Variants in ZFPM2 observed in about 807,000 individuals in gnomAD.
ZFPM2 encodes the protein zinc finger protein, FOG family member 2.
A neutral mutation model predicts 98.6 loss-of-function variants in ZFPM2; 20 were observed. That is an observed-to-expected ratio of 0.20 (90% confidence interval 0.14 to 0.29). The LOEUF is 0.29. ZFPM2 is among the 10% of genes least tolerant of loss of function. The pLI is 1.00. For synonymous variants in ZFPM2, 518 were observed against 502.7 expected (o/e 1.03, Z -0.41); for missense variants, 1,310 against 1,388.6 (o/e 0.94, Z 0.90).
chr8:105,561,555 T>A, intron 4 of ZFPM2, 74 bp downstream of exon 4: 1 of 1,172,434 alleles, frequency 8.5e-7, no homozygotes. Flanking sequence ...AGAAATTCTC[T>A]CTGCTTGCTT....
At chr8:105,491,359 G>T (rs1378068244) in intron 3 of ZFPM2, among the ~76,000 whole-genome samples, 1 of 152,108 alleles carries the variant, frequency 6.6e-6, no homozygotes, top group African/African-American at 2.4e-5. Flanking sequence ...GATTGTGCCA[G>T]TGTTGTGGTA....
At chr8:105,606,638 A>G (rs1816202893) in intron 4 of ZFPM2, among the ~76,000 whole-genome samples, 1 of 152,098 alleles carries the variant, frequency 6.6e-6, no homozygotes, top group African/African-American at 2.4e-5. Context: ...CATTATTGTC[A>G]TTATGTTAAT....
intron 3 of ZFPM2, among the ~76,000 whole-genome samples, chr8:105,519,992 C>T (rs768376758): frequency 6.6e-6 from 1 of 151,900 alleles, no homozygotes; most frequent in Non-Finnish European, 1.5e-5. Flanking sequence ...TTCTCCTTTT[C>T]TAACTAAAAA....
At chr8:105,633,419 A>G (rs1816788698) in intron 4 of ZFPM2, among the ~76,000 whole-genome samples, 1 of 152,178 alleles carries the variant, frequency 6.6e-6, no homozygotes, top group South Asian at 2.1e-4. Flanking sequence ...GCTGAGACAT[A>G]CTTATTTCCT....
intron 5 of ZFPM2, among the ~76,000 whole-genome samples, chr8:105,774,375 A>T (rs17313272): frequency 0.06 from 9,134 of 152,264 alleles, 401 homozygotes; most frequent in Middle Eastern, 0.13. Flanking sequence ...ACCTATTGTT[A>T]TCCCCAGAAT....
chr8:105,700,871 G>A (rs1173594505), intron 5 of ZFPM2, among the ~76,000 whole-genome samples: 3 of 152,266 alleles, frequency 2.0e-5, no homozygotes, highest in Admixed American at 6.5e-5. Flanking sequence ...GATTACAGGC[G>A]TGAGCCACTG....
At chr8:105,460,151 A>G (rs1425810324) in intron 3 of ZFPM2, among the ~76,000 whole-genome samples, 3 of 152,208 alleles carry the variant, frequency 2.0e-5, no homozygotes, top group African/African-American at 4.8e-5. Context: ...CTGTTTGGGT[A>G]TCACTTCAGT....
chr8:105,318,992 G>A lies in ZFPM2; in HGVS notation c.40+11G>A, dbSNP rs550883122. On this transcript the variant is annotated intron_variant, in intron 1 of 7. Coordinates refer to ENST00000407775, the MANE Select transcript of ZFPM2 (RefSeq NM_012082.4). ...CCCGGCAGATCAAACGTAAGTTTGCGCGCGGGGCCGGGAGTTGGTGGGATT... is the reference window on the plus strand; with the variant it reads ...CCCGGCAGATCAAACGTAAGTTTGCACGCGGGGCCGGGAGTTGGTGGGATT... 12 of 1,492,332 alleles carry A rather than the reference G, an allele frequency of 8.0e-6. No individual in the cohort carries two copies. Among genetic ancestry groups the A allele is most frequent in the Non-Finnish European group, 9.9e-6 (11 of 1,113,274 alleles). The allele number at this position is 1,492,332 out of a possible 1,614,324, so 92.4% of individuals were successfully genotyped here.
Position 105,602,496 on chromosome 8 carries a change from T to G in ZFPM2, c.421-31750T>G, listed in dbSNP as rs183399065. 5.9e-5 allele frequency among the ~76,000 whole-genome samples: 9 copies of G among 152,252 alleles called. No individual in the cohort carries two copies. In the East Asian group the frequency reaches 1.7e-3, roughly 29 times the overall value. ...CCTGACCTTCTCTAGAAGAAAGGAT[T>G]GCATTATCTTCAACCTGGCCTAAGT... is the stretch of plus-strand genomic sequence containing the variant. On this transcript the variant is annotated intron_variant, in intron 4 of 7. Transcript: ENST00000407775.
Position 105,330,553 on chromosome 8 carries a change from C to T in ZFPM2, c.40+11572C>T, listed in dbSNP as rs7818803. Among the ~76,000 whole-genome samples the T allele has an allele frequency of 1.9e-3, 176 of 92,416 alleles. 2 individuals carry two copies. The highest frequency in any genetic ancestry group is 2.5e-3 in the Non-Finnish European group (112 of 45,596). The allele number at this position is 92,416 out of a possible 152,430, so 60.6% of individuals were successfully genotyped here. ...CTCTCTCTCTCTATATATATATATA[C>T]ATATATATATATATACATATATATA... On this transcript the variant is annotated intron_variant, in intron 1 of 7. Transcript: ENST00000407775.
At chr8:105,481,679 A>C (rs531220413) in intron 3 of ZFPM2, among the ~76,000 whole-genome samples, 3 of 152,170 alleles carry the variant, frequency 2.0e-5, no homozygotes, top group Non-Finnish European at 4.4e-5. Flanking sequence ...GGGTCTGTTA[A>C]GTGAATGGTA....
At chr8:105,768,816 A>AATAC in intron 5 of ZFPM2, among the ~76,000 whole-genome samples, 1 of 144,894 alleles carries the variant, frequency 6.9e-6, no homozygotes, top group South Asian at 2.1e-4. Flanking sequence ...TGTGAAAACA[A>AATAC]ATACATACAC....
At chr8:105,349,922 T>C (rs2129705280) in intron 1 of ZFPM2, among the ~76,000 whole-genome samples, 1 of 152,316 alleles carries the variant, frequency 6.6e-6, no homozygotes, top group South Asian at 2.1e-4. Context: ...TCAGTTGATT[T>C]GTTATAATTT....
intron 5 of ZFPM2, among the ~76,000 whole-genome samples, chr8:105,635,020 C>T (rs529316506): frequency 2.6e-5 from 4 of 152,186 alleles, no homozygotes; most frequent in Admixed American, 6.5e-5. Context: ...GCTGACTGTC[C>T]ATAGCACAGG....
chr8:105,580,226 A>G (rs1815559812), intron 4 of ZFPM2, among the ~76,000 whole-genome samples: 1 of 152,172 alleles, frequency 6.6e-6, no homozygotes, highest in East Asian at 1.9e-4. Context: ...TGTCTTAGGT[A>G]CATATTTGGG....
At chr8:105,753,336 C>T (rs1397707206) in intron 5 of ZFPM2, among the ~76,000 whole-genome samples, 2 of 152,070 alleles carry the variant, frequency 1.3e-5, no homozygotes, top group African/African-American at 4.8e-5. Flanking sequence ...ACCTTATACA[C>T]AAAGCCCACC....
At chr8:105,378,070 T>C (rs1344360537) in intron 1 of ZFPM2, among the ~76,000 whole-genome samples, 10 of 152,222 alleles carry the variant, frequency 6.6e-5, no homozygotes, top group Admixed American at 6.5e-4. Flanking sequence ...TATGTCACTA[T>C]GATTTTTTAA....
intron 1 of ZFPM2, among the ~76,000 whole-genome samples, chr8:105,321,310 C>G (rs893833416): frequency 3.9e-5 from 6 of 152,082 alleles, no homozygotes; most frequent in African/African-American, 1.4e-4. Flanking sequence ...TTTAGTAGTG[C>G]GTAAGAAGTG....
In ZFPM2 at chr8:105,322,435, G is replaced by A. The variant is rs372728988; in HGVS notation, c.40+3454G>A. ...TGAAGTGTATTGGCTATGGGTGCAG[G>A]AAGAGGTGGACATCACTTTTTTTTT... is the stretch of plus-strand genomic sequence containing the variant. On this transcript the variant is annotated intron_variant, in intron 1 of 7. Transcript: ENST00000407775. 2.1e-4 allele frequency among the ~76,000 whole-genome samples: 31 copies of A among 146,626 alleles called. No individual in the cohort carries two copies. The South Asian group carries it at 4.2e-3, about 20-fold the overall frequency.
Sources: gnomAD v4.1 joint callset for allele counts (sites outside exome capture counted in the v4.1 genomes callset) on GRCh38, gnomAD v4.1.1 for gene constraint, MANE v1.5 for transcripts, NCBI Gene and HGNC (gene_info 2026-07-23, HGNC 2026-07-21) for gene names.